The following SRPX variants were observed in gnomAD, a reference collection of about 807,000 sequenced individuals.
The protein encoded by SRPX is sushi repeat-containing protein SRPX.
SRPX carries 24 observed loss-of-function variants against 38.1 expected under a neutral mutation model. The observed-to-expected ratio is 0.63, with a 90% CI of 0.46 to 0.89. SRPX has a LOEUF of 0.89. Ranked by LOEUF, SRPX falls within the 40% of genes least tolerant of loss-of-function variation. SRPX has a pLI of 0.00. For missense variants in SRPX, 416 were observed against 377.8 expected (o/e 1.10, Z -0.84); for synonymous variants, 184 against 153.8 (o/e 1.20, Z -1.45).
intron 2 of SRPX, among the ~76,000 whole-genome samples, chrX:38,176,972 C>T (rs1337203987): frequency 9.0e-6 from 1 of 110,875 alleles, no homozygotes; most frequent in African/African-American, 3.3e-5. Flanking sequence ...CTAGGGCAAG[C>T]ACACATTTTG....
At chrX:38,179,336 G>C (rs1356742743) in intron 1 of SRPX, among the ~76,000 whole-genome samples, 4 of 112,406 alleles carry the variant, frequency 3.6e-5, no homozygotes. Context: ...TCATTTGCAA[G>C]CTGGAGCTGA....
At chrX:38,172,396 C>T (rs1421589777) in intron 3 of SRPX, among the ~76,000 whole-genome samples, 2 of 112,989 alleles carry the variant, frequency 1.8e-5, no homozygotes, top group Non-Finnish European at 3.7e-5. Context: ...GAGGTTGCGG[C>T]GAGCTGAGAT....
At chrX:38,166,914 A>T (rs756355508) in intron 4 of SRPX, among the ~76,000 whole-genome samples, 2 of 111,907 alleles carry the variant, frequency 1.8e-5, no homozygotes, top group African/African-American at 6.5e-5. Flanking sequence ...TATCTGGGTG[A>T]AGAGTCTCAG....
intron 1 of SRPX, among the ~76,000 whole-genome samples, chrX:38,182,831 T>C (rs1938697569): frequency 9.0e-6 from 1 of 111,656 alleles, no homozygotes; most frequent in African/African-American, 3.3e-5. Context: ...AGATTTTCAG[T>C]TGAGGATGGC....
rs1321412784 is a variant in SRPX, at chrX:38,154,475, C to T, written c.1198G>A (p.Ala400Thr). 1 of 1,205,044 alleles carries T rather than the reference C, an allele frequency of 8.3e-7. No homozygotes were observed. The highest frequency in any genetic ancestry group is 1.8e-5 in the South Asian group (1 of 55,476). Reference protein sequence around the residue: ...IGAKIMPPALALQLRLLLRIP... With the variant: ...IGAKIMPPALTLQLRLLLRIP... The stretch of plus-strand genomic sequence containing the variant: ...ACTTCCCCCTACCTGAGCTGCAGCG[C>T]TAGGGCTGGAGGCATAATCTTTGCT... Residue 400 changes from alanine (A) to threonine (T), a missense_variant, in exon 9 of 10, where the codon GCG (alanine) becomes ACG (threonine). Coordinates refer to ENST00000378533, the MANE Select transcript of SRPX (RefSeq NM_006307.5).
In SRPX at chrX:38,220,818, G is replaced by T; in HGVS notation, c.-26C>A. ...GGCGAGCGGGCGCTTAGCTCGCCTC[G>T]GCAGCGCAGCGCGCTTCCCGGGGGC... On this transcript the variant is annotated 5_prime_UTR_variant, in exon 1 of 10. Transcript: ENST00000378533. 1 of 1,074,906 alleles carries T rather than the reference G, an allele frequency of 9.3e-7. No homozygotes were observed. Among genetic ancestry groups the T allele is most frequent in the Non-Finnish European group, 1.2e-6 (1 of 837,547 alleles). The allele number at this position is 1,074,906 out of a possible 1,213,427, so 88.6% of individuals were successfully genotyped here.
At chrX:38,159,620 T>G (rs1938200573) in intron 7 of SRPX, among the ~76,000 whole-genome samples, 1 of 112,919 alleles carries the variant, frequency 8.9e-6, no homozygotes, top group Non-Finnish European at 1.9e-5. Context: ...ATGCCCAAAG[T>G]CTATGTAACT....
Position 38,172,040 on chromosome X carries a change from G to A in SRPX, c.367C>T (p.Leu123Phe), listed in dbSNP as rs753463967. Residue 123 changes from leucine to phenylalanine, a missense_variant, in exon 4 of 10, where the codon CTT becomes TTT. Leu to Phe is a conservative substitution (Grantham distance 22, BLOSUM62 0). Transcript: ENST00000378533. ...AACCCTCCATTTGCTGGCATGGCAA[G>A]GGTAGGACATCGCTTTTCTGAAAAT... ...VICKQKRCPT[L>F]AMPANGGFKC... 1.9e-5 allele frequency: 23 copies of A among 1,207,994 alleles called. No individual in the cohort carries two copies. Among genetic ancestry groups the A allele is most frequent in the Non-Finnish European group, 2.5e-5 (22 of 893,992 alleles).
chrX:38,220,722 C>CGCAGAA lies in SRPX; in HGVS notation c.70_71insTTCTGC (p.Leu22_Leu23dup), dbSNP rs1939501821. On this transcript the variant is annotated inframe_insertion, in exon 1 of 10. Coordinates refer to ENST00000378533, the MANE Select transcript of SRPX (RefSeq NM_006307.5). ...TGGGAAGCTGCGGCTGGGCGGGACG[C>CGCAGAA]GCAGCAGCAGCAGCAGCAGCAGAGG... The CGCAGAA allele has an allele frequency of 5.2e-6, 6 of 1,152,900 alleles. No homozygotes were observed. The South Asian group carries it at 1.2e-4, about 22-fold the overall frequency.
At chrX:38,184,593 A>G (rs1487925451) in intron 1 of SRPX, among the ~76,000 whole-genome samples, 1 of 111,680 alleles carries the variant, frequency 9.0e-6, no homozygotes. Context: ...TGCTTTTGAT[A>G]CATGCCTTTT....
intron 1 of SRPX, among the ~76,000 whole-genome samples, chrX:38,215,351 C>T (rs1939408014): frequency 1.8e-5 from 2 of 111,481 alleles, no homozygotes; most frequent in South Asian, 7.6e-4. Flanking sequence ...GCCAGACACC[C>T]GTAAGATCCA....
intron 1 of SRPX, among the ~76,000 whole-genome samples, chrX:38,183,967 T>A (rs1322283336): frequency 8.9e-6 from 1 of 111,784 alleles, no homozygotes; most frequent in Non-Finnish European, 1.9e-5. Flanking sequence ...ACTCTTTTTT[T>A]TTCCAAAGTT....
At position 38,154,588 on chromosome X, in the gene SRPX, G is replaced by GA; in HGVS notation, c.1090-6dup. 1 of 1,206,144 alleles carries GA rather than the reference G, an allele frequency of 8.3e-7. No individual in the cohort carries two copies. Among genetic ancestry groups the GA allele is most frequent in the Non-Finnish European group, 1.1e-6 (1 of 893,546 alleles). On this transcript the variant is annotated splice_polypyrimidine_tract_variant and splice_region_variant and intron_variant, in intron 8 of 9. Transcript: ENST00000378533. ...ATCAAGGCCACACTGTGCTTGCTGG[G>GA]AAAAAGAAAACCCAACAGGGGAAGT...
Position 38,154,554 on chromosome X carries a change from G to A in SRPX, c.1119C>T (p.His373=), listed in dbSNP as rs1054475994. ...CACCCACCAGCTCCACCACGGTGAT[G>A]TGTCGAAGATCAAGGCCACACTGTG... ...QQAQCGLDLR[H]ITVVELVGVF... The change falls in exon 9 of 10, where the codon CAC becomes CAT. Residue 373 remains histidine (H), a synonymous_variant. Transcript: ENST00000378533. 8.3e-7 allele frequency: 1 copy of A among 1,206,930 alleles called. No homozygotes were observed. Among genetic ancestry groups the A allele is most frequent in the Non-Finnish European group, 1.1e-6 (1 of 893,837 alleles).
chrX:38,165,405 G>A (rs1190829008), intron 4 of SRPX, among the ~76,000 whole-genome samples: 6 of 112,147 alleles, frequency 5.4e-5, no homozygotes, highest in Non-Finnish European at 9.4e-5. Flanking sequence ...GTGCACAAAG[G>A]CAAGAGAATC....
At chrX:38,209,328 C>T (rs1939274646) in intron 1 of SRPX, among the ~76,000 whole-genome samples, 1 of 111,506 alleles carries the variant, frequency 9.0e-6, no homozygotes, top group African/African-American at 3.3e-5. Flanking sequence ...TGCTTCCTCC[C>T]AACTCACCCT....
At chrX:38,172,442 C>T (rs1035684068) in intron 3 of SRPX, among the ~76,000 whole-genome samples, 4 of 112,770 alleles carry the variant, frequency 3.5e-5, no homozygotes, top group East Asian at 5.6e-4. Flanking sequence ...AACAAGAACA[C>T]GACTTTGTAT....
At chrX:38,185,687 C>G (rs1459262903) in intron 1 of SRPX, among the ~76,000 whole-genome samples, 1 of 110,324 alleles carries the variant, frequency 9.1e-6, no homozygotes, top group Non-Finnish European at 1.9e-5. Context: ...GAACTTTTGT[C>G]TAATAGAGTG....
At chrX:38,157,510 C>G (rs1304632133) in intron 7 of SRPX, among the ~76,000 whole-genome samples, 1 of 111,822 alleles carries the variant, frequency 8.9e-6, no homozygotes, top group African/African-American at 3.3e-5. Flanking sequence ...TCCATCGTCT[C>G]TTTCTATGAC....
Sources: gnomAD v4.1 joint callset for allele counts (sites outside exome capture counted in the v4.1 genomes callset) on GRCh38, gnomAD v4.1.1 for gene constraint, MANE v1.5 for transcripts, NCBI Gene and HGNC (gene_info 2026-07-23, HGNC 2026-07-21) for gene names.